Variants in ELFN2 observed in about 807,000 individuals in gnomAD.
ELFN2 encodes extracellular leucine rich repeat and fibronectin type III domain containing 2.
Under a neutral mutation model 45.5 loss-of-function variants are expected in ELFN2, and 17 were observed. The ratio of observed to expected loss-of-function variants is 0.37; its 90% CI spans 0.26 to 0.56. The LOEUF is 0.56. Among genes scored for constraint, ELFN2 ranks in the 20% least tolerant of loss-of-function variants. ELFN2 has a pLI of 0.77. For synonymous variants in ELFN2, 550 were observed against 551.5 expected, an observed-to-expected ratio of 1.00 and a Z score of 0.04; for missense variants, 922 against 1,183.2, an observed-to-expected ratio of 0.78 and a Z score of 3.24.
intron 1 of ELFN2, among the ~76,000 whole-genome samples, chr22:37,348,872 AG>A (rs2145611396): frequency 6.6e-6 from 1 of 150,848 alleles, no homozygotes; most frequent in Admixed American, 6.6e-5. Flanking sequence ...GGCTTGGTGG[AG>A]GTGGCATCAT....
intron 1 of ELFN2, among the ~76,000 whole-genome samples, chr22:37,358,698 T>C (rs1212658060): frequency 6.6e-6 from 1 of 152,178 alleles, no homozygotes; most frequent in Non-Finnish European, 1.5e-5. Flanking sequence ...TGATGGGCCT[T>C]CTCAGCATGG....
At chr22:37,394,595 G>T (rs1055056008) in intron 2 of ELFN2, among the ~76,000 whole-genome samples, 4 of 152,178 alleles carry the variant, frequency 2.6e-5, no homozygotes, top group African/African-American at 4.8e-5. Flanking sequence ...CTCCCCCGCA[G>T]CTCCCGCCCC....
intron 2 of ELFN2, among the ~76,000 whole-genome samples, chr22:37,414,668 C>A (rs133738): frequency 0.28 from 42,255 of 152,098 alleles, 6,905 homozygotes; most frequent in Non-Finnish European, 0.37. Flanking sequence ...AACTGAGGTT[C>A]CCAAGATCCC....
At chr22:37,399,428 C>T (rs988468322) in intron 2 of ELFN2, among the ~76,000 whole-genome samples, 9 of 152,146 alleles carry the variant, frequency 5.9e-5, no homozygotes, top group Non-Finnish European at 8.8e-5. Context: ...CTGTGCCACC[C>T]CTGAGTGCCT....
chr22:37,379,295 G>A (rs560768799), intron 2 of ELFN2, among the ~76,000 whole-genome samples: 118 of 152,132 alleles, frequency 7.8e-4, no homozygotes, highest in Non-Finnish European at 1.4e-3. Flanking sequence ...GCTGAACCAC[G>A]AGAATGCAGC....
At position 37,373,464 on chromosome 22, in the gene ELFN2, C is replaced by T. The variant is rs1194498328; in HGVS notation, c.2071G>A (p.Gly691Ser). The T allele has an allele frequency of 1.3e-6, 2 of 1,532,632 alleles. No individual in the cohort carries two copies. Among genetic ancestry groups the T allele is most frequent in the East Asian group, 2.5e-5 (1 of 40,788 alleles). The allele number at this position is 1,532,632 out of a possible 1,614,324, so 94.9% of individuals were successfully genotyped here. A position where few individuals can be genotyped will look rare whatever the true frequency, so the allele number is the denominator to read the frequency against. ...PAGSGGGSGG[G>S]GGIHHLEVKP... ...ACCTCCAGGTGGTGGATGCCCCCGC[C>T]CCCGCCGCTGCCCCCGCCGCTGCCC... Residue 691 changes from glycine to serine, a missense_variant, in exon 3 of 3, where the codon GGC (glycine) becomes AGC (serine). Gly to Ser is a moderately conservative substitution (Grantham distance 56). Around this residue, in one of 2 missense-constraint regions of ELFN2, gnomAD observed 564 missense variants for 642.8 expected, o/e 0.88. Coordinates refer to ENST00000402918, the MANE Select transcript of ELFN2 (RefSeq NM_052906.5).
At chr22:37,387,089 A>C (rs1211783867) in intron 2 of ELFN2, among the ~76,000 whole-genome samples, 1 of 152,084 alleles carries the variant, frequency 6.6e-6, no homozygotes. Context: ...GGAGGACCTC[A>C]TTACCCACCG....
intron 2 of ELFN2, among the ~76,000 whole-genome samples, chr22:37,398,682 C>T (rs1428186282): frequency 2.6e-5 from 4 of 152,180 alleles, no homozygotes; most frequent in Non-Finnish European, 5.9e-5. Context: ...TTGGCTCTGT[C>T]TCTGCAATGT....
rs914491991 is a variant in ELFN2 at position 37,369,310 on chromosome 22, C to G, written c.*3762G>C. 1 of 152,260 alleles carries G rather than the reference C, an allele frequency of 6.6e-6. No homozygotes were observed. The highest frequency in any genetic ancestry group is 2.1e-4 in the South Asian group (1 of 4,834). The allele number at this position is 152,260 out of a possible 1,614,324, so 9.4% of individuals were successfully genotyped here. A position where few individuals can be genotyped will look rare whatever the true frequency, so the allele number is the denominator to read the frequency against. ...CACTGCTGCTGCCCCAGCTGCCTCCCGGGGACGATCCAGGCCTGGCCTTCC... is the reference window on the plus strand; with the variant it reads ...CACTGCTGCTGCCCCAGCTGCCTCCGGGGGACGATCCAGGCCTGGCCTTCC... On this transcript the variant is annotated 3_prime_UTR_variant, in exon 3 of 3. Transcript: ENST00000402918.
In ELFN2 at chr22:37,375,848, TCCTCC is replaced by T. The variant is rs1414857952; in HGVS notation, c.-319_-315del. 9.7e-6 allele frequency: 4 copies of T among 412,138 alleles called. No individual in the cohort carries two copies. Among genetic ancestry groups the T allele is most frequent in the African/African-American group, 8.8e-5 (4 of 45,708 alleles). 25.5% of individuals were successfully genotyped at this position (412,138 alleles called of 1,614,324 possible). ...CTTGACTTCCTCTCCCTCCTCCTCC[TCCTCC>T]TCCTCCTCCTCCTCCTCGTCTTCCT... On this transcript the variant is annotated 5_prime_UTR_variant, in exon 3 of 3. Coordinates refer to ENST00000402918, the MANE Select transcript of ELFN2 (RefSeq NM_052906.5).
intron 2 of ELFN2, among the ~76,000 whole-genome samples, chr22:37,393,750 C>G (rs1180803211): frequency 2.6e-5 from 4 of 152,212 alleles, no homozygotes; most frequent in African/African-American, 9.6e-5. Flanking sequence ...GTCCCCATCA[C>G]ATGTGCCAAC....
intron 2 of ELFN2, among the ~76,000 whole-genome samples, chr22:37,407,421 G>A (rs190092187): frequency 3.3e-5 from 5 of 152,254 alleles, no homozygotes; most frequent in Admixed American, 3.3e-4. Context: ...GACAGACAAG[G>A]TCCCCAGCCT....
intron 2 of ELFN2, among the ~76,000 whole-genome samples, chr22:37,402,924 A>C (rs1932401426): frequency 6.6e-6 from 1 of 152,062 alleles, no homozygotes; most frequent in Non-Finnish European, 1.5e-5. Flanking sequence ...CGGGGGTTAG[A>C]GGTGGCCTGT....
In ELFN2 at chr22:37,368,465, G is replaced by T. The variant is rs1170708164; in HGVS notation, c.*4607C>A. 1 of 152,324 alleles carries T rather than the reference G, an allele frequency of 6.6e-6. No individual in the cohort carries two copies. The highest frequency in any genetic ancestry group is 6.5e-5 in the Admixed American group (1 of 15,288). 9.4% of individuals were successfully genotyped at this position (152,324 alleles called of 1,614,324 possible). On this transcript the variant is annotated 3_prime_UTR_variant, in exon 3 of 3. Transcript: ENST00000402918. ...GCTCAGCAGGACTGCCTGACCTTTA[G>T]TGAGGCCTGAAGCCGCCTCTGGAGG... is the stretch of plus-strand genomic sequence containing the variant.
At chr22:37,362,015 C>T (rs1188941143) in intron 1 of ELFN2, among the ~76,000 whole-genome samples, 1 of 152,224 alleles carries the variant, frequency 6.6e-6, no homozygotes, top group African/African-American at 2.4e-5. Flanking sequence ...ATCTCTCATG[C>T]CTAGGAGTGC....
chr22:37,410,381 C>T (rs1223921847), intron 2 of ELFN2, among the ~76,000 whole-genome samples: 1 of 152,160 alleles, frequency 6.6e-6, no homozygotes. Flanking sequence ...CGGTGTGGCC[C>T]CGAGCCAGCG....
chr22:37,410,910 AGCACCCAGAACCGGGACTCCACAG>A (rs1932633251), intron 2 of ELFN2, among the ~76,000 whole-genome samples: 1 of 152,128 alleles, frequency 6.6e-6, no homozygotes. Context: ...TTCCTGACCT[AGCACCCAGAACCGGGACTCCACAG>A]GCCCCAGCCT....
rs1339006922 is a variant in ELFN2 at position 37,371,950 on chromosome 22, G to T, written c.*1122C>A. On this transcript the variant is annotated 3_prime_UTR_variant, in exon 3 of 3. Coordinates refer to ENST00000402918, the MANE Select transcript of ELFN2 (RefSeq NM_052906.5). This position sits in a 1 kb window ranked among gnomAD's most constrained non-coding sequence, Gnocchi z 6.4. ...CGGGTGGGCGGCTGAGATAGGAGCC[G>T]AGATCCCACGATGGGGTCGGGCAGG... 1 of 152,218 alleles carries T rather than the reference G, an allele frequency of 6.6e-6. No individual in the cohort carries two copies. Among genetic ancestry groups the T allele is most frequent in the Non-Finnish European group, 1.5e-5 (1 of 68,092 alleles). The allele number at this position is 152,218 out of a possible 1,614,324, so 9.4% of individuals were successfully genotyped here. A position where few individuals can be genotyped will look rare whatever the true frequency, so the allele number is the denominator to read the frequency against.
At chr22:37,394,587 C>T (rs1046132391) in intron 2 of ELFN2, among the ~76,000 whole-genome samples, 3 of 152,220 alleles carry the variant, frequency 2.0e-5, no homozygotes, top group African/African-American at 7.2e-5. Context: ...CGTGAGTCCT[C>T]CCCCGCAGCT....
Sources: allele counts gnomAD v4.1 joint callset (sites outside exome capture counted in the v4.1 genomes callset), GRCh38; gene constraint gnomAD v4.1.1; regional missense constraint gnomAD v4.1.1; non-coding constraint Gnocchi (gnomAD v3.1); transcripts MANE v1.5; gene names NCBI Gene and HGNC (gene_info 2026-07-23, HGNC 2026-07-21).